The following IRF4 variants were observed in gnomAD, a reference collection of about 807,000 sequenced individuals.
IRF4 encodes the protein lymphocyte-specific interferon regulatory factor.
Under a neutral mutation model 55.5 loss-of-function variants are expected in IRF4, and 13 were observed. The observed-to-expected ratio is 0.23, with a 90% confidence interval of 0.15 to 0.37. The LOEUF (loss-of-function observed/expected upper bound fraction) is 0.37. Ranked by LOEUF, IRF4 falls within the 10% of genes least tolerant of loss-of-function variation. IRF4 has a pLI of 1.00. For synonymous variants in IRF4, 249 were observed against 240.7 expected (o/e 1.03, Z -0.32); for missense variants, 397 against 593.8 (o/e 0.67, Z 3.44).
At chr6:397,323 G>C in intron 5 of IRF4, 71 bp downstream of exon 5, 1 of 1,560,570 alleles carries the variant, frequency 6.4e-7, no homozygotes. Flanking sequence ...GGCGAATCCT[G>C]GTCTGTCCTG....
intron 8 of IRF4, 94 bp from the exon 9 acceptor site, chr6:407,361 T>G: frequency 8.2e-7 from 1 of 1,213,412 alleles, no homozygotes; most frequent in Non-Finnish European, 1.2e-6. Context: ...ACTTTGGGCT[T>G]TACGTTACTG....
At chr6:398,756 A>T in intron 5 of IRF4, 72 bp from the exon 6 acceptor site, 1 of 1,070,700 alleles carries the variant, frequency 9.3e-7, no homozygotes, top group Non-Finnish European at 1.4e-6. Context: ...CTTCACACAC[A>T]CACCCCAGGA....
Position 393,505 on chromosome 6 carries a change from C to T in IRF4, c.216+137C>T. On this transcript the variant is annotated intron_variant, in intron 2 of 8. Transcript: ENST00000380956. The surrounding 1 kb of genome is among the most constrained non-coding windows in gnomAD (Gnocchi z 5.4). Reference sequence around the variant, plus strand: ...GGCGGGCGGCGGAGGCATCAGGTGGCGTCGCCGGAGCCGCAGGAGGAGGAA... The same window carrying T: ...GGCGGGCGGCGGAGGCATCAGGTGGTGTCGCCGGAGCCGCAGGAGGAGGAA... 3.6e-6 allele frequency: 2 copies of T among 554,520 alleles called. No individual in the cohort carries two copies. Among genetic ancestry groups the T allele is most frequent in the East Asian group, 3.7e-5 (1 of 26,928 alleles). 34.3% of individuals were successfully genotyped at this position (554,520 alleles called of 1,614,324 possible).
chr6:392,225 T>A (rs1013373593), intron 1 of IRF4, among the ~76,000 whole-genome samples: 1 of 152,220 alleles, frequency 6.6e-6, no homozygotes, highest in Non-Finnish European at 1.5e-5. Context: ...CTGCTCTTCG[T>A]TCCTAAGGGG....
intron 2 of IRF4, among the ~76,000 whole-genome samples, chr6:394,360 TC>T (rs1481580579): frequency 6.6e-6 from 1 of 152,220 alleles, no homozygotes; most frequent in Non-Finnish European, 1.5e-5. Context: ...AAAATCATTT[TC>T]CTAGAGCATA....
chr6:400,850 T>C lies in IRF4; in HGVS notation c.746-574T>C, dbSNP rs531433006. On this transcript the variant is annotated intron_variant, in intron 6 of 8. Transcript: ENST00000380956. Reference sequence around the variant, plus strand: ...TTACCTAAATGATGTCATGTTATTATTTTGGGGACGTTTCAGGTATGTGGA... The same window carrying C: ...TTACCTAAATGATGTCATGTTATTACTTTGGGGACGTTTCAGGTATGTGGA... Among the ~76,000 whole-genome samples the C allele has an allele frequency of 5.9e-5, 9 of 152,276 alleles. No homozygotes were observed. The South Asian group carries it at 1.7e-3, about 28-fold the overall frequency.
chr6:406,498 C>T (rs953137377), intron 8 of IRF4, among the ~76,000 whole-genome samples: 4 of 151,926 alleles, frequency 2.6e-5, no homozygotes, highest in African/African-American at 9.7e-5. Flanking sequence ...GCCGAGATTG[C>T]ACCACTGCAC....
At position 408,485 on chromosome 6, in the gene IRF4, T is replaced by A; in HGVS notation, c.*887T>A. On this transcript the variant is annotated 3_prime_UTR_variant, in exon 9 of 9. Coordinates refer to ENST00000380956, the MANE Select transcript of IRF4 (RefSeq NM_002460.4). ...AAAAAACATGAGCGCTACTCTTGGATGGGACATTTTTGTCTGTCCTACAAT... is the reference window on the plus strand; with the variant it reads ...AAAAAACATGAGCGCTACTCTTGGAAGGGACATTTTTGTCTGTCCTACAAT... 4.3e-6 allele frequency: 1 copy of A among 229,950 alleles called. No homozygotes were observed. The highest frequency in any genetic ancestry group is 8.6e-6 in the Non-Finnish European group (1 of 115,910). The allele number at this position is 229,950 out of a possible 1,614,324, so 14.2% of individuals were successfully genotyped here.
Position 408,688 on chromosome 6 carries a change from C to T in IRF4, c.*1090C>T, listed in dbSNP as rs1299792685. ...AACTATCTGTTCCCTTCCTCTGTGC[C>T]ACGCTCCTCTGTTTGTTTGGCTGTC... On this transcript the variant is annotated 3_prime_UTR_variant, in exon 9 of 9. Transcript: ENST00000380956. 1 of 230,412 alleles carries T rather than the reference C, an allele frequency of 4.3e-6. No individual in the cohort carries two copies. The highest frequency in any genetic ancestry group is 6.1e-5 in the East Asian group (1 of 16,400). The allele number at this position is 230,412 out of a possible 1,614,324, so 14.3% of individuals were successfully genotyped here. A position where few individuals can be genotyped will look rare whatever the true frequency, so the allele number is the denominator to read the frequency against.
chr6:407,710 C>A lies in IRF4; in HGVS notation c.*112C>A. On this transcript the variant is annotated 3_prime_UTR_variant, in exon 9 of 9. Coordinates refer to ENST00000380956, the MANE Select transcript of IRF4 (RefSeq NM_002460.4). The stretch of plus-strand genomic sequence containing the variant: ...CTGGAGTGCAGTGACACAATCTCAG[C>A]TCACTGTGACCTCCGCCTCCTGGGT... 5.1e-6 allele frequency: 5 copies of A among 986,038 alleles called. No homozygotes were observed. The highest frequency in any genetic ancestry group is 7.4e-6 in the Non-Finnish European group (5 of 676,090). 61.1% of individuals were successfully genotyped at this position (986,038 alleles called of 1,614,324 possible). A position where few individuals can be genotyped will look rare whatever the true frequency, so the allele number is the denominator to read the frequency against.
chr6:407,433 T>C, intron 8 of IRF4, 22 bp from the exon 9 acceptor site: 1 of 1,590,288 alleles, frequency 6.3e-7, no homozygotes, highest in Non-Finnish European at 8.5e-7. Context: ...CAGTAATGTC[T>C]TTTTAAAATC....
Position 401,527 on chromosome 6 carries a change from C to G in IRF4, c.849C>G (p.Asp283Glu), listed in dbSNP as rs114916515. Residue 283 changes from aspartate (D) to glutamate (E), a missense_variant, in exon 7 of 9, where the codon GAC (aspartate) becomes GAG (glutamate). Asp to Glu is a conservative substitution (Grantham distance 45, BLOSUM62 2). Coordinates refer to ENST00000380956, the MANE Select transcript of IRF4 (RefSeq NM_002460.4). The stretch of plus-strand genomic sequence containing the variant: ...GGATCTCCCATGGACATACGTATGA[C>G]GCCAGCAACCTGGACCAGGTCCTGT... ...GCRISHGHTY[D>E]ASNLDQVLFP... 5.9e-4 allele frequency: 960 copies of G among 1,614,064 alleles called. 1 individual carries two copies. Among genetic ancestry groups the G allele is most frequent in the Non-Finnish European group, 7.4e-4 (879 of 1,180,028 alleles).
Position 405,045 on chromosome 6 carries a change from G to T in IRF4, c.1127G>T (p.Arg376Leu), listed in dbSNP as rs377483798. The change falls in exon 8 of 9, where the codon CGC becomes CTC. Residue 376 changes from arginine to leucine, a missense_variant. Around this residue, in one of 3 missense-constraint regions of IRF4, gnomAD observed 341 missense variants for 548.1 expected, o/e 0.62. Transcript: ENST00000380956. ...SELQAFAHHG[R>L]SLPRFQVTLC... ...CTGCAAGCGTTTGCTCACCACGGCC[G>T]CTCCCTGCCAAGATTCCAGGTGACT... 1 of 1,613,638 alleles carries T rather than the reference G, an allele frequency of 6.2e-7. No individual in the cohort carries two copies. Among genetic ancestry groups the T allele is most frequent in the Non-Finnish European group, 8.5e-7 (1 of 1,179,612 alleles).
chr6:407,621 T>C lies in IRF4; in HGVS notation c.*23T>C. ...TGAAAAATGTCAAGATGAGTGGTTT[T>C]CTTTTTCCTTTTTTTTTTTTTTTTT... On this transcript the variant is annotated 3_prime_UTR_variant, in exon 9 of 9. Coordinates refer to ENST00000380956, the MANE Select transcript of IRF4 (RefSeq NM_002460.4). 6.3e-7 allele frequency: 1 copy of C among 1,579,794 alleles called. No individual in the cohort carries two copies. The highest frequency in any genetic ancestry group is 8.6e-7 in the Non-Finnish European group (1 of 1,168,058).
At chr6:395,246 G>A (rs968760049) in intron 3 of IRF4, among the ~76,000 whole-genome samples, 1 of 150,394 alleles carries the variant, frequency 6.6e-6, no homozygotes, top group African/African-American at 2.5e-5. Context: ...TATGGGGGGG[G>A]GTGCATTGAA....
chr6:409,020 G>A lies in IRF4; in HGVS notation c.*1422G>A, dbSNP rs544813537. 38 of 221,700 alleles carry A rather than the reference G, an allele frequency of 1.7e-4. No individual in the cohort carries two copies. The East Asian group carries it at 2.3e-3, about 13-fold the overall frequency. The allele number at this position is 221,700 out of a possible 1,614,324, so 13.7% of individuals were successfully genotyped here. A position where few individuals can be genotyped will look rare whatever the true frequency, so the allele number is the denominator to read the frequency against. ...AGAAAGTACAGCAGTAGACTGGGGC[G>A]TCACCTCCAGGCCGTTTCTCATACT... On this transcript the variant is annotated 3_prime_UTR_variant, in exon 9 of 9. Coordinates refer to ENST00000380956, the MANE Select transcript of IRF4 (RefSeq NM_002460.4).
chr6:404,614 G>A (rs903515245), intron 7 of IRF4, among the ~76,000 whole-genome samples: 11 of 152,352 alleles, frequency 7.2e-5, no homozygotes, highest in African/African-American at 1.7e-4. Flanking sequence ...CTGGGATGTC[G>A]AAACATTCTG....
In IRF4 at chr6:410,218, G is replaced by C. The variant is rs140374480; in HGVS notation, c.*2620G>C. On this transcript the variant is annotated 3_prime_UTR_variant, in exon 9 of 9. Coordinates refer to ENST00000380956, the MANE Select transcript of IRF4 (RefSeq NM_002460.4). ...CTTGTTAAAGAGCACTGGGTCATAT[G>C]GAAAAAATGTATGTGTCTCCCAGGT... 7.3e-4 allele frequency: 167 copies of C among 229,302 alleles called. 2 individuals carry two copies. Among genetic ancestry groups the C allele is most frequent in the African/African-American group, 3.5e-3 (159 of 45,248 alleles). 14.2% of individuals were successfully genotyped at this position (229,302 alleles called of 1,614,324 possible).
At position 407,522 on chromosome 6, in the gene IRF4, G is replaced by A; in HGVS notation, c.1280G>A (p.Gly427Asp). 1 of 1,612,882 alleles carries A rather than the reference G, an allele frequency of 6.2e-7. No homozygotes were observed. The highest frequency in any genetic ancestry group is 8.5e-7 in the Non-Finnish European group (1 of 1,179,236). ...AQQNSGHFLRGYDLPEHISNP... is the reference protein window; with the variant it reads ...AQQNSGHFLRDYDLPEHISNP... ...CAAAACAGTGGACATTTCCTGAGGGGCTACGATTTACCAGAACACATCAGC... is the reference window on the plus strand; with the variant it reads ...CAAAACAGTGGACATTTCCTGAGGGACTACGATTTACCAGAACACATCAGC... The change falls in exon 9 of 9, where the codon GGC becomes GAC. Residue 427 changes from glycine (G) to aspartate (D), a missense_variant. Around this residue, in one of 3 missense-constraint regions of IRF4, gnomAD observed 341 missense variants for 548.1 expected, o/e 0.62. Transcript: ENST00000380956.
Sources: gnomAD v4.1 joint callset for allele counts (sites outside exome capture counted in the v4.1 genomes callset) on GRCh38, gnomAD v4.1.1 for gene constraint, gnomAD v4.1.1 regional missense constraint, Gnocchi (gnomAD v3.1) non-coding constraint, MANE v1.5 for transcripts, NCBI Gene and HGNC (gene_info 2026-07-23, HGNC 2026-07-21) for gene names.